The following PTBP3 variants were observed in gnomAD, a reference collection of about 807,000 sequenced individuals.
PTBP3 encodes the protein polypyrimidine tract-binding protein 3.
In PTBP3, 20 loss-of-function variants were observed where a neutral mutation model predicts 58.7. That is an observed-to-expected ratio of 0.34 (90% CI 0.24 to 0.50). The LOEUF is 0.50. PTBP3 is among the 20% of genes least tolerant of loss of function. The pLI is 0.98. For synonymous variants in PTBP3, 185 were observed against 219.8 expected, an observed-to-expected ratio of 0.84 and a Z score of 1.40; for missense variants, 509 against 637.2, an observed-to-expected ratio of 0.80 and a Z score of 2.17.
intron 5 of PTBP3, among the ~76,000 whole-genome samples, chr9:112,255,373 GT>G (rs1324483395): frequency 4.6e-5 from 7 of 152,094 alleles, no homozygotes; most frequent in Non-Finnish European, 1.0e-4. Flanking sequence ...TAAAATTCAT[GT>G]TATATATATT....
the PTBP3 span, among the ~76,000 whole-genome samples, chr9:112,366,044 G>A: frequency 1.3e-5 from 2 of 152,146 alleles, no homozygotes; most frequent in Non-Finnish European, 2.9e-5. Flanking sequence ...CAGCACTTTG[G>A]GAGGCCAAGG....
rs559753574 is a variant in PTBP3 at position 112,331,233 on chromosome 9, T to C, written c.-52+2237A>G. 9.2e-5 allele frequency among the ~76,000 whole-genome samples: 14 copies of C among 152,232 alleles called. No homozygotes were observed. The South Asian group carries it at 2.9e-3, about 32-fold the overall frequency. On this transcript the variant is annotated intron_variant, in intron 1 of 13. Coordinates refer to ENST00000374257, the MANE Select transcript of PTBP3 (RefSeq NM_001163788.4). Reference sequence around the variant, plus strand: ...AGGAAAAAGGATCTTTTTCAGGCTGTTGGAAAATGTAGAAATTTAATTAGT... The same window carrying C: ...AGGAAAAAGGATCTTTTTCAGGCTGCTGGAAAATGTAGAAATTTAATTAGT...
intron 4 of PTBP3, among the ~76,000 whole-genome samples, chr9:112,264,258 A>G (rs1836711534): frequency 6.6e-6 from 1 of 152,188 alleles, no homozygotes; most frequent in South Asian, 2.1e-4. Flanking sequence ...ACAGATCTTA[A>G]ATGTTAAGTT....
rs116704907 is a variant in PTBP3, at chr9:112,297,639, G to A, written c.34+193C>T. 3.8e-3 allele frequency among the ~76,000 whole-genome samples: 571 copies of A among 152,248 alleles called. 4 individuals carry two copies. Among genetic ancestry groups the A allele is most frequent in the African/African-American group, 0.013 (552 of 41,550 alleles). ...CTGAATCATCAAATTAGATCCAAATGAATCCTTAAAATTTGAGAGGTATAA... is the reference window on the plus strand; with the variant it reads ...CTGAATCATCAAATTAGATCCAAATAAATCCTTAAAATTTGAGAGGTATAA... On this transcript the variant is annotated intron_variant, in intron 2 of 13. Coordinates refer to ENST00000374257, the MANE Select transcript of PTBP3 (RefSeq NM_001163788.4).
chr9:112,231,806 C>A (rs1835211606), intron 9 of PTBP3, among the ~76,000 whole-genome samples: 1 of 151,304 alleles, frequency 6.6e-6, no homozygotes, highest in Non-Finnish European at 1.5e-5. Flanking sequence ...TACCTGAGAG[C>A]CTGAGGTGGG....
At chr9:112,266,192 A>C (rs1422367114) in intron 4 of PTBP3, among the ~76,000 whole-genome samples, 1 of 152,152 alleles carries the variant, frequency 6.6e-6, no homozygotes. Flanking sequence ...TGTGGTGGTG[A>C]CTATACAACA....
intron 1 of PTBP3, among the ~76,000 whole-genome samples, chr9:112,320,486 C>A (rs2132440452): frequency 6.6e-6 from 1 of 151,362 alleles, no homozygotes; most frequent in South Asian, 2.1e-4. Flanking sequence ...AAATGTCAAA[C>A]ATCAAATGAC....
the PTBP3 span, among the ~76,000 whole-genome samples, chr9:112,356,799 C>T: frequency 4.4e-4 from 1 of 2,286 alleles, no homozygotes; most frequent in Non-Finnish European, 7.9e-4. Flanking sequence ...CGTGTGCGCA[C>T]ACACACACAC....
upstream of PTBP3, among the ~76,000 whole-genome samples, chr9:112,335,108 G>A (rs185421932): frequency 7.2e-5 from 11 of 151,972 alleles, no homozygotes; most frequent in African/African-American, 2.7e-4. Flanking sequence ...CCTTTTTTTA[G>A]CTACACAAGT....
In PTBP3 at chr9:112,221,068, A is replaced by C; in HGVS notation, c.*2783T>G. On this transcript the variant is annotated 3_prime_UTR_variant, in exon 14 of 14. Coordinates refer to ENST00000374257, the MANE Select transcript of PTBP3 (RefSeq NM_001163788.4). The stretch of plus-strand genomic sequence containing the variant: ...GACCTCTATAATTCAAACAGCAAAT[A>C]GCTTAATATGGACAACATCCATGTG... The C allele has an allele frequency of 1.0e-6, 1 of 984,470 alleles. No homozygotes were observed. The highest frequency in any genetic ancestry group is 1.2e-6 in the Non-Finnish European group (1 of 828,956). The allele number at this position is 984,470 out of a possible 1,614,324, so 61.0% of individuals were successfully genotyped here.
At chr9:112,256,679 A>G (rs1836379799) in intron 5 of PTBP3, among the ~76,000 whole-genome samples, 1 of 151,814 alleles carries the variant, frequency 6.6e-6, no homozygotes. Context: ...ACATACCACC[A>G]TGCATGGCTA....
chr9:112,327,135 T>G (rs1337471788), intron 1 of PTBP3, among the ~76,000 whole-genome samples: 3 of 150,026 alleles, frequency 2.0e-5, no homozygotes, highest in African/African-American at 7.4e-5. Flanking sequence ...GCCTTAGAGG[T>G]GGAGAATGCA....
chr9:112,275,708 A>C, intron 3 of PTBP3, 136 bp downstream of exon 3: 1 of 772,148 alleles, frequency 1.3e-6, no homozygotes, highest in Non-Finnish European at 1.9e-6. Context: ...CCCCCCAAAA[A>C]AATCTACTTT....
At chr9:112,311,620 C>CATA (rs1829478675) in intron 1 of PTBP3, among the ~76,000 whole-genome samples, 1 of 151,656 alleles carries the variant, frequency 6.6e-6, no homozygotes, top group Non-Finnish European at 1.5e-5. Context: ...TGGATTTTGG[C>CATA]CCCCCCTAGA....
chr9:112,225,467 C>T lies in PTBP3; in HGVS notation c.1365-1257G>A, dbSNP rs916163902. Among the ~76,000 whole-genome samples the T allele has an allele frequency of 2.3e-4, 35 of 152,130 alleles. 1 individual carries two copies. Among genetic ancestry groups the T allele is most frequent in the African/African-American group, 8.0e-4 (33 of 41,414 alleles). On this transcript the variant is annotated intron_variant, in intron 12 of 13. Transcript: ENST00000374257. ...GAGTTTCAGTTTGGGATGATGAAAA[C>T]GTTCTACAGATGGACAGAGGTGACG...
the PTBP3 span, among the ~76,000 whole-genome samples, chr9:112,346,617 T>C: frequency 3.7e-4 from 57 of 152,368 alleles, no homozygotes; most frequent in South Asian, 2.5e-3. Context: ...GGGAAAACTT[T>C]TAAGGTTTTA....
chr9:112,296,880 A>G (rs1828713502), intron 2 of PTBP3, among the ~76,000 whole-genome samples: 1 of 152,212 alleles, frequency 6.6e-6, no homozygotes, highest in Non-Finnish European at 1.5e-5. Flanking sequence ...TCAAACATTC[A>G]ATTAATCATC....
rs1232264083 is a variant in PTBP3 at position 112,331,644 on chromosome 9, T to C, written c.-52+1826A>G. On this transcript the variant is annotated intron_variant, in intron 1 of 13. Transcript: ENST00000374257. ...ATAAAATGGTGTAACACTATGGTTA[T>C]TGGTTCTGATACAAAGGGCAAATCA... 3.3e-5 allele frequency among the ~76,000 whole-genome samples: 5 copies of C among 152,260 alleles called. No individual in the cohort carries two copies. The East Asian group carries it at 9.6e-4, about 29-fold the overall frequency.
In PTBP3 at chr9:112,231,389, T is replaced by C. The variant is rs1835193798; in HGVS notation, c.1045A>G (p.Ile349Val). The change falls in exon 10 of 14, where the codon ATC (isoleucine) becomes GTC (valine). Residue 349 changes from isoleucine to valine, a missense_variant. Ile to Val is a conservative substitution (Grantham distance 29). Coordinates refer to ENST00000374257, the MANE Select transcript of PTBP3 (RefSeq NM_001163788.4). The stretch of plus-strand genomic sequence containing the variant: ...GCAAAAATGAACTTACCAAATAGGA[T>C]AAAAAGCCCATGTGGTGTGATAAGC... ...PDLITPHGLFILFGVYGDVHR... is the reference protein window; with the variant it reads ...PDLITPHGLFVLFGVYGDVHR... 2 of 1,594,356 alleles carry C rather than the reference T, an allele frequency of 1.3e-6. No individual in the cohort carries two copies. The highest frequency in any genetic ancestry group is 1.7e-6 in the Non-Finnish European group (2 of 1,168,368).
Sources: gnomAD v4.1 joint callset for allele counts (sites outside exome capture counted in the v4.1 genomes callset) on GRCh38, gnomAD v4.1.1 for gene constraint, MANE v1.5 for transcripts, NCBI Gene and HGNC (gene_info 2026-07-23, HGNC 2026-07-21) for gene names.